ACTN4: variants seen among roughly 807,000 people sequenced by gnomAD.
ACTN4 encodes the protein actinin alpha 4.
Under a neutral mutation model 114.2 loss-of-function variants are expected in ACTN4, and 18 were observed. That is an observed-to-expected ratio of 0.16 (90% confidence interval 0.11 to 0.23). The LOEUF is 0.23. ACTN4 is among the 10% of genes least tolerant of loss of function. ACTN4 has a pLI of 1.00. For missense variants in ACTN4, 722 were observed against 1,262.9 expected, an observed-to-expected ratio of 0.57 and a Z score of 6.49; for synonymous variants, 515 against 506.3, an observed-to-expected ratio of 1.02 and a Z score of -0.23.
At chr19:38,673,648 T>C (rs8182577) in intron 1 of ACTN4, among the ~76,000 whole-genome samples, 2 of 47,662 alleles carry the variant, frequency 4.2e-5, no homozygotes, top group African/African-American at 7.2e-5. Context: ...TATATATATT[T>C]ATATATTTAT....
At chr19:38,711,386 C>T in intron 8 of ACTN4, 3 of 989,126 alleles carry the variant, frequency 3.0e-6, no homozygotes, top group Non-Finnish European at 3.6e-6. Flanking sequence ...GCACACCTCG[C>T]TGCTGGGGCT....
intron 1 of ACTN4, among the ~76,000 whole-genome samples, chr19:38,676,140 G>A (rs187489430): frequency 1.6e-3 from 214 of 134,724 alleles, no homozygotes; most frequent in African/African-American, 5.5e-3. Flanking sequence ...GTTGAGGGAC[G>A]AGGCATCTGG....
At position 38,704,963 on chromosome 19, in the gene ACTN4, C is replaced by T. The variant is rs1356402216; in HGVS notation, c.427C>T (p.Leu143=). 3.7e-6 allele frequency: 6 copies of T among 1,614,110 alleles called. No homozygotes were observed. The highest frequency in any genetic ancestry group is 3.4e-6 in the Non-Finnish European group (4 of 1,180,038). Residue 143 remains leucine (L), a synonymous_variant, in exon 4 of 21, where the codon CTG becomes TTG. Transcript: ENST00000252699. ...TGTGGACGGCAACGCAAAGATGACC[C>T]TGGGAATGATCTGGACCATCATCCT... is the stretch of plus-strand genomic sequence containing the variant. ...EIVDGNAKMT[L]GMIWTIILRF... is the part of the protein sequence containing the mutation.
chr19:38,654,286 G>A (rs1277791122), intron 1 of ACTN4, among the ~76,000 whole-genome samples: 3 of 152,306 alleles, frequency 2.0e-5, no homozygotes, highest in African/African-American at 7.2e-5. Flanking sequence ...AAATCGCCGG[G>A]TGTGGTGGCT....
In ACTN4 at chr19:38,647,716, C is replaced by T. The variant is rs939247264; in HGVS notation, c.-30C>T. The T allele has an allele frequency of 6.6e-7, 1 of 1,526,698 alleles. No homozygotes were observed. Among genetic ancestry groups the T allele is most frequent in the Non-Finnish European group, 8.8e-7 (1 of 1,137,648 alleles). The allele number at this position is 1,526,698 out of a possible 1,614,324, so 94.6% of individuals were successfully genotyped here. On this transcript the variant is annotated 5_prime_UTR_variant, in exon 1 of 21. Coordinates refer to ENST00000252699, the MANE Select transcript of ACTN4 (RefSeq NM_004924.6). ...GGGCGGGAGCTGAGGCGGGAGCGGA[C>T]AGGCTGGTGGGCGAGCGAGAGGCGG... is the stretch of plus-strand genomic sequence containing the variant.
chr19:38,664,285 T>G lies in ACTN4; in HGVS notation c.162+16378T>G, dbSNP rs147712149. 5.4e-3 allele frequency among the ~76,000 whole-genome samples: 798 copies of G among 148,188 alleles called. 6 individuals are homozygous for G. The highest frequency in any genetic ancestry group is 0.019 in the African/African-American group (766 of 40,642). On this transcript the variant is annotated intron_variant, in intron 1 of 20. Coordinates refer to ENST00000252699, the MANE Select transcript of ACTN4 (RefSeq NM_004924.6). Reference sequence around the variant, plus strand: ...TCCCAGGAAATACTCCAGTGTTGTGTTTTTTTTTTTAAACTCATTCAGATG... The same window carrying G: ...TCCCAGGAAATACTCCAGTGTTGTGGTTTTTTTTTTAAACTCATTCAGATG...
chr19:38,661,574 C>G (rs1976886885), intron 1 of ACTN4, among the ~76,000 whole-genome samples: 1 of 152,198 alleles, frequency 6.6e-6, no homozygotes, highest in Admixed American at 6.5e-5. Flanking sequence ...TGTTGAGTCT[C>G]CTTCTTTGAA....
intron 17 of ACTN4, among the ~76,000 whole-genome samples, chr19:38,726,477 C>T (rs750149914): frequency 6.6e-6 from 1 of 152,186 alleles, no homozygotes; most frequent in Non-Finnish European, 1.5e-5. Flanking sequence ...AGGGCCAGAG[C>T]CAGCCAGCGG....
chr19:38,690,066 T>C (rs996402154), intron 1 of ACTN4, among the ~76,000 whole-genome samples: 1 of 152,108 alleles, frequency 6.6e-6, no homozygotes, highest in Non-Finnish European at 1.5e-5. Context: ...AAAGAAATAG[T>C]CAAATCATCT....
intron 19 of ACTN4, chr19:38,728,453 C>A (rs1346426977): frequency 9.6e-7 from 1 of 1,037,782 alleles, no homozygotes; most frequent in Non-Finnish European, 1.3e-6. Flanking sequence ...CCTCCTCCCC[C>A]CCACCTCTCC....
chr19:38,710,392 G>A (rs374089310), intron 8 of ACTN4, 50 bp downstream of exon 8: 163 of 1,581,246 alleles, frequency 1.0e-4, no homozygotes, highest in South Asian at 9.7e-4. Flanking sequence ...GCGCAATGCC[G>A]CCGCTGCCTC....
intron 19 of ACTN4, 124 bp downstream of exon 19, chr19:38,728,150 C>A: frequency 7.4e-7 from 1 of 1,348,272 alleles, no homozygotes; most frequent in Non-Finnish European, 1.0e-6. Flanking sequence ...GCTCTCTTGC[C>A]TCCCTGCCCA....
intron 8 of ACTN4, chr19:38,710,746 AGCAGGAGCTGCTAGAT>A (rs1231434158): frequency 3.0e-6 from 1 of 337,696 alleles, no homozygotes; most frequent in African/African-American, 2.1e-5. Context: ...AGGTACTTGC[AGCAGGAGCTGCTAGAT>A]GCAGGCTGGG....
At chr19:38,653,858 C>A (rs1976637735) in intron 1 of ACTN4, among the ~76,000 whole-genome samples, 1 of 152,230 alleles carries the variant, frequency 6.6e-6, no homozygotes, top group Admixed American at 6.5e-5. Context: ...TGACCTGTTA[C>A]AAGAGAGACG....
intron 1 of ACTN4, among the ~76,000 whole-genome samples, chr19:38,664,726 C>T (rs1461896557): frequency 6.6e-6 from 1 of 152,142 alleles, no homozygotes; most frequent in Non-Finnish European, 1.5e-5. Context: ...TTCCTATTTC[C>T]TTTTCCACCT....
intron 1 of ACTN4, among the ~76,000 whole-genome samples, chr19:38,680,629 C>T (rs1478976046): frequency 6.6e-6 from 1 of 152,152 alleles, no homozygotes; most frequent in East Asian, 1.9e-4. Flanking sequence ...AACTCATTTT[C>T]AAGTCCCACT....
At chr19:38,701,913 G>A (rs1274047953) in intron 3 of ACTN4, among the ~76,000 whole-genome samples, 1 of 152,268 alleles carries the variant, frequency 6.6e-6, no homozygotes. Context: ...AGGGCTCTGA[G>A]AGTTTGGCCA....
chr19:38,721,485 T>C, intron 11 of ACTN4, 53 bp from the exon 12 acceptor site: 1 of 1,610,062 alleles, frequency 6.2e-7, no homozygotes, highest in South Asian at 1.1e-5. Flanking sequence ...CCCTCCAGAC[T>C]CCTGCCCCAC....
rs1334804138 is a variant in ACTN4, at chr19:38,673,558, TATATATATTTATATATATTC to T, written c.162+25681_162+25700del. ...ATACTTATATATATTTATATATACTTATATATATTTATATATATTCATATATATTTATATATATTCATATA... is the reference window on the plus strand; with the variant it reads ...ATACTTATATATATTTATATATACTTATATATATTTATATATATTCATATA... On this transcript the variant is annotated intron_variant, in intron 1 of 20. Coordinates refer to ENST00000252699, the MANE Select transcript of ACTN4 (RefSeq NM_004924.6). 2.8e-3 allele frequency among the ~76,000 whole-genome samples: 239 copies of T among 86,304 alleles called. 5 individuals carry two copies. Among genetic ancestry groups the T allele is most frequent in the African/African-American group, 6.9e-3 (170 of 24,742 alleles). The allele number at this position is 86,304 out of a possible 152,430, so 56.6% of individuals were successfully genotyped here.
Sources: gnomAD v4.1 joint callset for allele counts (sites outside exome capture counted in the v4.1 genomes callset) on GRCh38, gnomAD v4.1.1 for gene constraint, MANE v1.5 for transcripts, NCBI Gene and HGNC (gene_info 2026-07-23, HGNC 2026-07-21) for gene names.